The following LMBR1 variants were observed in gnomAD, a reference collection of about 807,000 sequenced individuals.
LMBR1 encodes limb region 1 protein homolog.
A neutral mutation model predicts 73.9 loss-of-function variants in LMBR1; 52 were observed. The observed-to-expected ratio is 0.70, with a 90% CI of 0.56 to 0.89. The LOEUF is 0.89. Ranked by LOEUF, LMBR1 falls within the 40% of genes least tolerant of loss-of-function variation. The pLI, the probability that LMBR1 is intolerant of heterozygous loss-of-function variation, is 0.00. For synonymous variants in LMBR1, 215 were observed against 209.4 expected, an observed-to-expected ratio of 1.03 and a Z score of -0.23; for missense variants, 539 against 579.8, an observed-to-expected ratio of 0.93 and a Z score of 0.72.
intron 15 of LMBR1, among the ~76,000 whole-genome samples, chr7:156,710,375 C>G (rs921799156): frequency 1.1e-4 from 16 of 151,868 alleles, no homozygotes; most frequent in Non-Finnish European, 2.1e-4. Context: ...AGAGAAATAC[C>G]AAATGCACTG....
In LMBR1 at chr7:156,833,772, C is replaced by T; in HGVS notation, c.160G>A (p.Ala54Thr). The change falls in exon 3 of 17, where the codon GCC becomes ACC. Residue 54 changes from alanine (A) to threonine (T), a missense_variant. By Grantham distance (58) the Ala-to-Thr change is moderately conservative. Coordinates refer to ENST00000353442, the MANE Select transcript of LMBR1 (RefSeq NM_022458.4). ...ACATACGAAATCCTGTTGACGATGGCATCTTCATCTTCTTGTTCATCTGCA... is the reference window on the plus strand; with the variant it reads ...ACATACGAAATCCTGTTGACGATGGTATCTTCATCTTCTTGTTCATCTGCA... ...RKSDEQEDEDAIVNRISLFLS... is the reference protein window; with the variant it reads ...RKSDEQEDEDTIVNRISLFLS... The T allele has an allele frequency of 1.3e-6, 2 of 1,598,584 alleles. No homozygotes were observed.
intron 5 of LMBR1, among the ~76,000 whole-genome samples, chr7:156,780,103 C>T (rs1826861811): frequency 6.6e-6 from 1 of 152,184 alleles, no homozygotes; most frequent in Non-Finnish European, 1.5e-5. Flanking sequence ...TTTGGTCTCA[C>T]GTCAGAGAAA....
downstream of LMBR1, chr7:156,675,784 A>G: frequency 6.2e-7 from 1 of 1,614,194 alleles, no homozygotes; most frequent in Non-Finnish European, 8.5e-7. Flanking sequence ...TTGGCCATAA[A>G]TCGAAGTGTT....
Position 156,893,028 on chromosome 7 carries a change from C to T in LMBR1, c.-35G>A. 6.9e-7 allele frequency: 1 copy of T among 1,459,454 alleles called. No individual in the cohort carries two copies. The highest frequency in any genetic ancestry group is 9.0e-7 in the Non-Finnish European group (1 of 1,109,062). The allele number at this position is 1,459,454 out of a possible 1,614,324, so 90.4% of individuals were successfully genotyped here. On this transcript the variant is annotated 5_prime_UTR_variant, in exon 1 of 17. Coordinates refer to ENST00000353442, the MANE Select transcript of LMBR1 (RefSeq NM_022458.4). ...TGCCCGCCGCCGCGCCGCCCGCGTC[C>T]GCGTGCTCCGCCACACCATCGTCCG...
rs138814647 is a variant in LMBR1, at chr7:156,859,897, T to A, written c.67-23012A>T. Among the ~76,000 whole-genome samples the A allele has an allele frequency of 7.3e-3, 1,109 of 152,282 alleles. 17 individuals are homozygous for A. Among genetic ancestry groups the A allele is most frequent in the African/African-American group, 0.025 (1,031 of 41,550 alleles). ...TGACATTACCTGACTTCAGGAGACTTATAGGCCTACAATAATCAAGACTAT... is the reference window on the plus strand; with the variant it reads ...TGACATTACCTGACTTCAGGAGACTAATAGGCCTACAATAATCAAGACTAT... On this transcript the variant is annotated intron_variant, in intron 1 of 16. Coordinates refer to ENST00000353442, the MANE Select transcript of LMBR1 (RefSeq NM_022458.4).
At position 156,833,752 on chromosome 7, in the gene LMBR1, C is replaced by A; in HGVS notation, c.179+1G>T. 1 of 1,596,732 alleles carries A rather than the reference C, an allele frequency of 6.3e-7. No homozygotes were observed. Among genetic ancestry groups the A allele is most frequent in the Non-Finnish European group, 8.5e-7 (1 of 1,171,010 alleles). On this transcript the variant is annotated splice_donor_variant, in intron 3 of 16. Transcript: ENST00000353442. LOFTEE classifies it high-confidence loss of function. ...GAACAACTGAACTTTAAAATACATA[C>A]GAAATCCTGTTGACGATGGCATCTT...
chr7:156,714,383 G>C (rs551462806), intron 15 of LMBR1, among the ~76,000 whole-genome samples: 55 of 152,256 alleles, frequency 3.6e-4, no homozygotes, highest in African/African-American at 1.3e-3. Context: ...GAGAACGGCT[G>C]GTGAAGAAAA....
intron 15 of LMBR1, among the ~76,000 whole-genome samples, chr7:156,714,573 G>C (rs57174695): frequency 0.012 from 1,862 of 152,330 alleles, 42 homozygotes; most frequent in African/African-American, 0.042. Context: ...TAAGGAAACT[G>C]TACAGTATTT....
At chr7:156,758,386 G>A (rs142134773) in intron 8 of LMBR1, among the ~76,000 whole-genome samples, 161 of 152,274 alleles carry the variant, frequency 1.1e-3, no homozygotes, top group African/African-American at 3.7e-3. Context: ...TTATCACCAC[G>A]GGTATGTCTT....
At position 156,889,003 on chromosome 7, in the gene LMBR1, G is replaced by A. The variant is rs144918165; in HGVS notation, c.66+3925C>T. Among the ~76,000 whole-genome samples, 495 of 151,942 alleles carry A rather than the reference G, an allele frequency of 3.3e-3. 7 individuals are homozygous for A. Among genetic ancestry groups the A allele is most frequent in the African/African-American group, 0.011 (462 of 41,440 alleles). Reference sequence around the variant, plus strand: ...AGGGAGGGAGAGGTTGCAATGAGCCGAGATCACGCCACTGCACTCTAGCCT... The same window carrying A: ...AGGGAGGGAGAGGTTGCAATGAGCCAAGATCACGCCACTGCACTCTAGCCT... On this transcript the variant is annotated intron_variant, in intron 1 of 16. Coordinates refer to ENST00000353442, the MANE Select transcript of LMBR1 (RefSeq NM_022458.4).
At chr7:156,736,426 A>AT (rs1395335427) in intron 9 of LMBR1, 8 of 433,068 alleles carry the variant, frequency 1.8e-5, no homozygotes, top group South Asian at 8.3e-5. Flanking sequence ...TACTTAAGTG[A>AT]TTTTTTTAAA....
chr7:156,711,011 T>C (rs1352450686), intron 15 of LMBR1, among the ~76,000 whole-genome samples: 1 of 151,990 alleles, frequency 6.6e-6, no homozygotes, highest in African/African-American at 2.4e-5. Context: ...AAAAAATAAA[T>C]AAATAAAATA....
At chr7:156,836,462 A>G (rs1194654292) in intron 2 of LMBR1, among the ~76,000 whole-genome samples, 1 of 152,246 alleles carries the variant, frequency 6.6e-6, no homozygotes, top group East Asian at 1.9e-4. Context: ...TCTAGTAGCC[A>G]GAAAAGGTAT....
chr7:156,700,051 T>C (rs1032342932), intron 15 of LMBR1, among the ~76,000 whole-genome samples: 42 of 152,238 alleles, frequency 2.8e-4, no homozygotes, highest in Admixed American at 9.2e-4. Context: ...GGGTATATAC[T>C]CAAAGGATTA....
intron 1 of LMBR1, among the ~76,000 whole-genome samples, chr7:156,854,631 C>G (rs1371637898): frequency 6.6e-6 from 1 of 152,112 alleles, no homozygotes; most frequent in Non-Finnish European, 1.5e-5. Context: ...AGAGAGACAC[C>G]CAGCTTCAGC....
At chr7:156,691,443 T>C (rs939128758) in intron 15 of LMBR1, among the ~76,000 whole-genome samples, 6 of 152,204 alleles carry the variant, frequency 3.9e-5, no homozygotes, top group African/African-American at 1.4e-4. Context: ...TATAAAAGAA[T>C]TAACATACAG....
intron 15 of LMBR1, among the ~76,000 whole-genome samples, chr7:156,702,425 T>A (rs1035687530): frequency 1.3e-5 from 2 of 152,238 alleles, no homozygotes; most frequent in African/African-American, 2.4e-5. Flanking sequence ...AATGTCTTCT[T>A]TTGAGAACTG....
At chr7:156,858,820 T>C (rs1022783453) in intron 1 of LMBR1, among the ~76,000 whole-genome samples, 5 of 152,014 alleles carry the variant, frequency 3.3e-5, no homozygotes, top group Admixed American at 1.3e-4. Flanking sequence ...AACCTATCAA[T>C]AGATGCAGGA....
intron 9 of LMBR1, among the ~76,000 whole-genome samples, chr7:156,735,132 A>C (rs1400628432): frequency 6.6e-6 from 1 of 152,224 alleles, no homozygotes; most frequent in East Asian, 1.9e-4. Context: ...TATTTCTGTA[A>C]GACAGATTCC....
Sources: gnomAD v4.1 joint callset for allele counts (sites outside exome capture counted in the v4.1 genomes callset) on GRCh38, gnomAD v4.1.1 for gene constraint, MANE v1.5 for transcripts, NCBI Gene and HGNC (gene_info 2026-07-23, HGNC 2026-07-21) for gene names.